ADCY2: variants seen among roughly 807,000 people sequenced by gnomAD.
The protein encoded by ADCY2 is adenylate cyclase 2, also known as adenylate cyclase type 2.
ADCY2 carries 31 observed loss-of-function variants against 125.2 expected under a neutral mutation model. The ratio of observed to expected loss-of-function variants is 0.25; its 90% CI spans 0.19 to 0.33. ADCY2 has a LOEUF of 0.33. Ranked by LOEUF, ADCY2 falls within the 10% of genes least tolerant of loss-of-function variation. The probability of loss-of-function intolerance (pLI) is 1.00; values close to 1 mark genes in which losing one functional copy is unlikely to be tolerated. For missense variants in ADCY2, 904 were observed against 1,418.2 expected (o/e 0.64, Z 5.82); for synonymous variants, 512 against 548.4 (o/e 0.93, Z 0.93).
intron 3 of ADCY2, among the ~76,000 whole-genome samples, chr5:7,544,577 A>G (rs1735092757): frequency 6.6e-6 from 1 of 152,154 alleles, no homozygotes; most frequent in Non-Finnish European, 1.5e-5. Context: ...CCTGAGGTTC[A>G]TCACGTGTGC....
Position 7,757,515 on chromosome 5 carries a change from C to A in ADCY2, c.2023C>A (p.Arg675Ser), listed in dbSNP as rs199680989. The change falls in exon 16 of 25, where the codon CGC becomes AGC. Residue 675 changes from arginine to serine, a missense_variant. Transcript: ENST00000338316. ...LLKSSGIIANRPWPRISLTII... is the reference protein window; with the variant it reads ...LLKSSGIIANSPWPRISLTII... ...GAAGTCCTCGGGCATCATTGCCAACCGCCCCTGGCCACGGATCTCTCTCAC... is the reference window on the plus strand; with the variant it reads ...GAAGTCCTCGGGCATCATTGCCAACAGCCCCTGGCCACGGATCTCTCTCAC... 1 of 1,614,106 alleles carries A rather than the reference C, an allele frequency of 6.2e-7. No homozygotes were observed. Among genetic ancestry groups the A allele is most frequent in the Non-Finnish European group, 8.5e-7 (1 of 1,180,034 alleles).
At chr5:7,824,899 C>G (rs1420888250) in intron 24 of ADCY2, among the ~76,000 whole-genome samples, 1 of 152,218 alleles carries the variant, frequency 6.6e-6, no homozygotes, top group Non-Finnish European at 1.5e-5. Context: ...GATGTCTGCC[C>G]TCAAGGCCTT....
chr5:7,659,529 T>TG (rs1739454241), intron 4 of ADCY2, among the ~76,000 whole-genome samples: 1 of 152,298 alleles, frequency 6.6e-6, no homozygotes, highest in South Asian at 2.1e-4. Context: ...CTCTAGCAAT[T>TG]GGTGTTGAAA....
intron 3 of ADCY2, among the ~76,000 whole-genome samples, chr5:7,533,775 A>G (rs1418226192): frequency 6.6e-6 from 1 of 152,212 alleles, no homozygotes; most frequent in African/African-American, 2.4e-5. Flanking sequence ...GTTTTACTGC[A>G]TCAAGATTAG....
rs75808363 is a variant in ADCY2, at chr5:7,783,355, G to A, written c.2385-1010G>A. The stretch of plus-strand genomic sequence containing the variant: ...GTGGCTAAAACAGCCTGCAGGGTAG[G>A]GGTTGGTACCCACCTTTGACTGATG... On this transcript the variant is annotated intron_variant, in intron 18 of 24. Transcript: ENST00000338316. Among the ~76,000 whole-genome samples the A allele has an allele frequency of 2.4e-3, 360 of 152,222 alleles. 7 individuals carry two copies. The highest frequency in any genetic ancestry group is 0.022 in the East Asian group (113 of 5,168).
intron 4 of ADCY2, among the ~76,000 whole-genome samples, chr5:7,629,255 G>C (rs183905788): frequency 0.013 from 2,051 of 152,306 alleles, 190 homozygotes; most frequent in Admixed American, 0.13. Flanking sequence ...ACTCTCTGCT[G>C]TCCTTCCTCC....
intron 15 of ADCY2, among the ~76,000 whole-genome samples, chr5:7,748,519 A>AACACACACACAC (rs35989915): frequency 3.8e-4 from 34 of 90,214 alleles, no homozygotes; most frequent in South Asian, 2.5e-3. Flanking sequence ...CCCACCCTCC[A>AACACACACACAC]ACACACACAC....
chr5:7,485,177 A>G (rs185866369), intron 2 of ADCY2, among the ~76,000 whole-genome samples: 13 of 152,328 alleles, frequency 8.5e-5, no homozygotes, highest in African/African-American at 3.1e-4. Flanking sequence ...TCTCCCTCCG[A>G]AACTTGAATA....
At position 7,820,482 on chromosome 5, in the gene ADCY2, A is replaced by C. The variant is rs545391014; in HGVS notation, c.2999-83A>C. ...GCACTCCAGCCTGGGTGACAGAATA[A>C]GACCCCATCTCAAAAAATAAAAAAA... On this transcript the variant is annotated intron_variant, in intron 23 of 24. Coordinates refer to ENST00000338316, the MANE Select transcript of ADCY2 (RefSeq NM_020546.3). The C allele has an allele frequency of 5.9e-6, 9 of 1,513,314 alleles. No individual in the cohort carries two copies. The African/African-American group carries it at 8.3e-5, about 14-fold the overall frequency. The allele number at this position is 1,513,314 out of a possible 1,614,324, so 93.7% of individuals were successfully genotyped here.
chr5:7,483,675 G>T (rs1201413675), intron 2 of ADCY2, among the ~76,000 whole-genome samples: 1 of 152,184 alleles, frequency 6.6e-6, no homozygotes, highest in South Asian at 2.1e-4. Flanking sequence ...GTGCCATTGA[G>T]TGACATTTTA....
At chr5:7,665,518 T>C (rs1739683948) in intron 4 of ADCY2, among the ~76,000 whole-genome samples, 1 of 152,176 alleles carries the variant, frequency 6.6e-6, no homozygotes, top group Non-Finnish European at 1.5e-5. Flanking sequence ...CATCCATGTG[T>C]GACTCCCCCC....
chr5:7,494,512 G>A (rs1413142978), intron 2 of ADCY2, among the ~76,000 whole-genome samples: 1 of 152,106 alleles, frequency 6.6e-6, no homozygotes, highest in Non-Finnish European at 1.5e-5. Flanking sequence ...ATTCAAAACT[G>A]AGCTGGGTAC....
At chr5:7,727,837 G>A (rs1337830570) in intron 14 of ADCY2, among the ~76,000 whole-genome samples, 4 of 152,000 alleles carry the variant, frequency 2.6e-5, no homozygotes, top group Non-Finnish European at 4.4e-5. Flanking sequence ...TTCATGCTTC[G>A]AGGTGAATTC....
intron 2 of ADCY2, among the ~76,000 whole-genome samples, chr5:7,509,456 T>A (rs978364826): frequency 6.6e-6 from 1 of 152,214 alleles, no homozygotes; most frequent in African/African-American, 2.4e-5. Context: ...CCATTTTTTT[T>A]AATGTTATAT....
At chr5:7,498,457 C>T (rs1021594542) in intron 2 of ADCY2, among the ~76,000 whole-genome samples, 3 of 151,878 alleles carry the variant, frequency 2.0e-5, no homozygotes, top group African/African-American at 7.3e-5. Flanking sequence ...ACCGTGTTAA[C>T]CAGGATGGTC....
intron 2 of ADCY2, among the ~76,000 whole-genome samples, chr5:7,501,803 C>T (rs1206580089): frequency 6.6e-6 from 1 of 152,018 alleles, no homozygotes; most frequent in Non-Finnish European, 1.5e-5. Flanking sequence ...GTCCACCAGG[C>T]AGGGAGCCTG....
chr5:7,475,166 C>T (rs183337293), intron 2 of ADCY2, among the ~76,000 whole-genome samples: 1 of 152,122 alleles, frequency 6.6e-6, no homozygotes, highest in Non-Finnish European at 1.5e-5. Flanking sequence ...AGGTGAAGTG[C>T]GGAGAGTGGA....
chr5:7,638,461 C>T (rs1738581384), intron 4 of ADCY2, among the ~76,000 whole-genome samples: 1 of 152,106 alleles, frequency 6.6e-6, no homozygotes, highest in African/African-American at 2.4e-5. Context: ...TCTGTTCCTT[C>T]AGGGCAGGAA....
chr5:7,487,258 C>T (rs1297229183), intron 2 of ADCY2, among the ~76,000 whole-genome samples: 1 of 152,176 alleles, frequency 6.6e-6, no homozygotes, highest in East Asian at 1.9e-4. Context: ...GTCCCAGTGC[C>T]TGCTTGTCAT....
Sources: gnomAD v4.1 joint callset for allele counts (sites outside exome capture counted in the v4.1 genomes callset) on GRCh38, gnomAD v4.1.1 for gene constraint, MANE v1.5 for transcripts, NCBI Gene and HGNC (gene_info 2026-07-23, HGNC 2026-07-21) for gene names.